TRPC7: variants seen among roughly 807,000 people sequenced by gnomAD.
The protein encoded by TRPC7 is short transient receptor potential channel 7.
Under a neutral mutation model 90.1 loss-of-function variants are expected in TRPC7, and 42 were observed. The observed-to-expected ratio is 0.47, with a 90% confidence interval of 0.36 to 0.60. The LOEUF (loss-of-function observed/expected upper bound fraction) is 0.60, where lower values mean the gene tolerates loss of function less well. Ranked by LOEUF, TRPC7 falls within the 20% of genes least tolerant of loss-of-function variation. The pLI is 0.00. For synonymous variants in TRPC7, 451 were observed against 436.3 expected (o/e 1.03, Z -0.42); for missense variants, 955 against 1,112.3 (o/e 0.86, Z 2.01).
rs1306255598 is a variant in TRPC7, at chr5:136,364,525, T to C, written c.2+728A>G. 3.3e-5 allele frequency among the ~76,000 whole-genome samples: 5 copies of C among 152,256 alleles called. No individual in the cohort carries two copies. The East Asian group carries it at 9.7e-4, about 29-fold the overall frequency. On this transcript the variant is annotated intron_variant, in intron 1 of 11. Transcript: ENST00000513104. ...CATTCTGAGGCAAAAATTCACTGAG[T>C]GCCACCAGACAGGGTCAATCATTAT...
chr5:136,349,379 G>T (rs897820660), intron 2 of TRPC7, among the ~76,000 whole-genome samples: 1 of 152,166 alleles, frequency 6.6e-6, no homozygotes, highest in Non-Finnish European at 1.5e-5. Flanking sequence ...AATAGAGGAG[G>T]TGCTGAATTT....
intron 7 of TRPC7, among the ~76,000 whole-genome samples, chr5:136,232,003 G>C (rs898144909): frequency 6.6e-6 from 1 of 152,128 alleles, no homozygotes; most frequent in Non-Finnish European, 1.5e-5. Flanking sequence ...GGTGATGCCT[G>C]CATTCTGAGA....
At chr5:136,246,269 G>T (rs1756334735) in intron 7 of TRPC7, among the ~76,000 whole-genome samples, 1 of 152,198 alleles carries the variant, frequency 6.6e-6, no homozygotes, top group Admixed American at 6.5e-5. Context: ...GACTTGCTGG[G>T]TGTCCACACA....
intron 3 of TRPC7, among the ~76,000 whole-genome samples, chr5:136,298,405 C>A (rs545171730): frequency 1.3e-4 from 20 of 152,304 alleles, no homozygotes; most frequent in Non-Finnish European, 2.5e-4. Context: ...CCAGGTCATG[C>A]AGCACTTTGT....
intron 2 of TRPC7, among the ~76,000 whole-genome samples, chr5:136,345,914 A>G (rs1759990838): frequency 6.6e-6 from 1 of 152,198 alleles, no homozygotes; most frequent in Non-Finnish European, 1.5e-5. Flanking sequence ...AGCTTTCTAC[A>G]TATGGCTAGC....
At chr5:136,332,593 A>G (rs1316346098) in intron 2 of TRPC7, among the ~76,000 whole-genome samples, 1 of 152,164 alleles carries the variant, frequency 6.6e-6, no homozygotes, top group African/African-American at 2.4e-5. Context: ...GGAGAGGAGG[A>G]GTATAAAATT....
intron 1 of TRPC7, among the ~76,000 whole-genome samples, chr5:136,364,585 C>T (rs1760666476): frequency 1.3e-5 from 2 of 152,076 alleles, no homozygotes; most frequent in Non-Finnish European, 1.5e-5. Context: ...TCCATTACGC[C>T]TCTAAATTAT....
chr5:136,247,616 G>T lies in TRPC7; in HGVS notation c.1699C>A (p.Pro567Thr). Residue 567 changes from proline to threonine, a missense_variant, in exon 7 of 12, where the codon CCC (proline) becomes ACC (threonine). Physicochemically the swap from Pro to Thr is conservative, Grantham distance 38. This residue lies in a region of TRPC7 where 296 missense variants were observed against 422.7 expected (regional missense o/e 0.70). Transcript: ENST00000513104. The surrounding 1 kb of genome is among the most constrained non-coding windows in gnomAD (Gnocchi z 4.2). ...YILPANESFG[P>T]LQISLGRTVK... Reference sequence around the variant, plus strand: ...GTTCTCCCTAGCGAGATCTGCAGGGGCCCAAAACTCTCGTTGGCTGGCAGA... The same window carrying T: ...GTTCTCCCTAGCGAGATCTGCAGGGTCCCAAAACTCTCGTTGGCTGGCAGA... The T allele has an allele frequency of 6.2e-7, 1 of 1,613,950 alleles. No individual in the cohort carries two copies. Among genetic ancestry groups the T allele is most frequent in the Non-Finnish European group, 8.5e-7 (1 of 1,179,872 alleles).
At chr5:136,272,434 G>C (rs1385535146) in intron 4 of TRPC7, among the ~76,000 whole-genome samples, 3 of 152,184 alleles carry the variant, frequency 2.0e-5, no homozygotes, top group Non-Finnish European at 4.4e-5. Flanking sequence ...TGAAAGGAAA[G>C]ACTAAAAATA....
chr5:136,213,685 T>TGGGACAAG, intron 11 of TRPC7, 81 bp from the exon 12 acceptor site: 1 of 1,490,284 alleles, frequency 6.7e-7, no homozygotes, highest in Non-Finnish European at 9.2e-7. Flanking sequence ...GGCATGTGCA[T>TGGGACAAG]CCTTCCAGTG....
Position 136,315,656 on chromosome 5 carries a change from C to G in TRPC7, c.904G>C (p.Asp302His). 3 of 1,613,842 alleles carry G rather than the reference C, an allele frequency of 1.9e-6. No individual in the cohort carries two copies. Among genetic ancestry groups the G allele is most frequent in the Non-Finnish European group, 2.5e-6 (3 of 1,179,866 alleles). ...NGDVNFQVWS[D>H]HHRPSLSRIK... ...CGGCTCAGACTTGGACGGTGGTGGT[C>G]GGACCAGACTTGGAAGTTCACATCA... The change falls in exon 3 of 12, where the codon GAC becomes CAC. Residue 302 changes from aspartate (D) to histidine (H), a missense_variant. Coordinates refer to ENST00000513104, the MANE Select transcript of TRPC7 (RefSeq NM_020389.3).
At chr5:136,318,870 C>T (rs540233782) in intron 2 of TRPC7, among the ~76,000 whole-genome samples, 113 of 152,116 alleles carry the variant, frequency 7.4e-4, no homozygotes, top group African/African-American at 2.6e-3. Flanking sequence ...CCTTATGTCA[C>T]TGTCTCTCTC....
chr5:136,256,592 C>G (rs1756693821), intron 5 of TRPC7, among the ~76,000 whole-genome samples: 1 of 148,520 alleles, frequency 6.7e-6, no homozygotes, highest in African/African-American at 2.5e-5. Context: ...CACCAAGGAT[C>G]ACTGCAGTTC....
chr5:136,364,084 C>T (rs1760650319), intron 1 of TRPC7, among the ~76,000 whole-genome samples: 1 of 152,094 alleles, frequency 6.6e-6, no homozygotes, highest in East Asian at 1.9e-4. Flanking sequence ...AATGACAATA[C>T]TGAAAAAAAG....
At position 136,357,351 on chromosome 5, in the gene TRPC7, G is replaced by A. The variant is rs577536758; in HGVS notation, c.37C>T (p.Arg13Trp). Residue 13 changes from arginine (R) to tryptophan (W), a missense_variant, in exon 2 of 12, where the codon CGG becomes TGG. Coordinates refer to ENST00000513104, the MANE Select transcript of TRPC7 (RefSeq NM_020389.3). The part of the protein sequence containing the change: ...RNSTFKNMQR[R>W]HTTLREKGRR... ...CCCTTCTCCCTCAGCGTTGTGTGCC[G>A]GCGCTGCATGTTTTTGAAGGTGCTG... 11 of 1,601,988 alleles carry A rather than the reference G, an allele frequency of 6.9e-6. No individual in the cohort carries two copies. The highest frequency in any genetic ancestry group is 6.7e-5 in the African/African-American group (5 of 75,036).
chr5:136,363,254 G>A (rs982868783), intron 1 of TRPC7, among the ~76,000 whole-genome samples: 1 of 152,002 alleles, frequency 6.6e-6, no homozygotes, highest in Non-Finnish European at 1.5e-5. Flanking sequence ...ATTTCCCAAG[G>A]CATCCAACTT....
intron 7 of TRPC7, among the ~76,000 whole-genome samples, chr5:136,242,395 C>T (rs1032827225): frequency 6.6e-6 from 1 of 152,162 alleles, no homozygotes; most frequent in African/African-American, 2.4e-5. Flanking sequence ...CCCCTTAGGC[C>T]AGCACTGGAC....
chr5:136,365,374 G>C lies in TRPC7; in HGVS notation c.-120C>G. 9.7e-7 allele frequency: 1 copy of C among 1,031,108 alleles called. No individual in the cohort carries two copies. Among genetic ancestry groups the C allele is most frequent in the Admixed American group, 2.1e-5 (1 of 48,050 alleles). The allele number at this position is 1,031,108 out of a possible 1,614,324, so 63.9% of individuals were successfully genotyped here. ...ATGTACCGCTCTCCGTGGTGCTGAA[G>C]TATAGAGCTGGTCAAGTGAGTTAAG... On this transcript the variant is annotated 5_prime_UTR_variant, in exon 1 of 12. Coordinates refer to ENST00000513104, the MANE Select transcript of TRPC7 (RefSeq NM_020389.3).
At chr5:136,302,533 T>C (rs186369165) in intron 3 of TRPC7, among the ~76,000 whole-genome samples, 11 of 152,222 alleles carry the variant, frequency 7.2e-5, no homozygotes, top group Admixed American at 2.0e-4. Context: ...CTCTCTTTTC[T>C]CTGGGCTGGC....
Sources: gnomAD v4.1 joint callset for allele counts (sites outside exome capture counted in the v4.1 genomes callset) on GRCh38, gnomAD v4.1.1 for gene constraint, gnomAD v4.1.1 regional missense constraint, Gnocchi (gnomAD v3.1) non-coding constraint, MANE v1.5 for transcripts, NCBI Gene and HGNC (gene_info 2026-07-23, HGNC 2026-07-21) for gene names.